The following GPC5 variants were observed in gnomAD, a reference collection of about 807,000 sequenced individuals.
GPC5 encodes glypican-5.
Under a neutral mutation model 53.9 loss-of-function variants are expected in GPC5, and 47 were observed. That is an observed-to-expected ratio of 0.87 (90% CI 0.69 to 1.11). The LOEUF is 1.11. GPC5 is among the 50% of genes most tolerant of loss of function. GPC5 has a pLI of 0.00. For missense variants in GPC5, 748 were observed against 713.1 expected (o/e 1.05, Z -0.56); for synonymous variants, 286 against 263.3 (o/e 1.09, Z -0.84).
intron 7 of GPC5, among the ~76,000 whole-genome samples, chr13:92,197,190 C>T (rs2042262283): frequency 6.6e-6 from 1 of 152,036 alleles, no homozygotes; most frequent in South Asian, 2.1e-4. Context: ...AATTTCCCTT[C>T]TCTGAGGTTC....
chr13:91,602,861 C>T (rs533992576), intron 2 of GPC5, among the ~76,000 whole-genome samples: 1 of 152,174 alleles, frequency 6.6e-6, no homozygotes, highest in South Asian at 2.1e-4. Context: ...TTAGAATTGT[C>T]AAAAGGATAT....
At chr13:92,751,012 G>C (rs184146436) in intron 7 of GPC5, among the ~76,000 whole-genome samples, 23 of 152,006 alleles carry the variant, frequency 1.5e-4, no homozygotes, top group African/African-American at 5.5e-4. Flanking sequence ...TTTAAAATAG[G>C]CATGCTTGTA....
chr13:92,259,188 T>C (rs918820900), intron 7 of GPC5, among the ~76,000 whole-genome samples: 1 of 152,198 alleles, frequency 6.6e-6, no homozygotes, highest in Non-Finnish European at 1.5e-5. Context: ...GTAGGAACCA[T>C]TTACACTTGT....
At chr13:91,648,700 A>ACATG (rs201307096) in intron 2 of GPC5, among the ~76,000 whole-genome samples, 4,669 of 150,094 alleles carry the variant, frequency 0.031, 235 homozygotes, top group African/African-American at 0.11. Flanking sequence ...ACATACATAC[A>ACATG]CATGCATGCA....
intron 2 of GPC5, among the ~76,000 whole-genome samples, chr13:91,635,406 T>G (rs1028493494): frequency 3.3e-5 from 5 of 152,104 alleles, no homozygotes; most frequent in Non-Finnish European, 7.4e-5. Flanking sequence ...ATTTTTCAAA[T>G]TAATGTAAAT....
chr13:92,553,868 T>G (rs574670812), intron 7 of GPC5, among the ~76,000 whole-genome samples: 2 of 152,124 alleles, frequency 1.3e-5, no homozygotes, highest in African/African-American at 4.8e-5. Context: ...GTTTGCCCAA[T>G]GTATCTCATA....
chr13:92,503,399 G>T (rs1594256353), intron 7 of GPC5, among the ~76,000 whole-genome samples: 1 of 151,698 alleles, frequency 6.6e-6, no homozygotes, highest in African/African-American at 2.4e-5. Context: ...CTAAAGCAGT[G>T]CTTAGCCAGA....
At chr13:92,621,121 T>C (rs139281675) in intron 7 of GPC5, among the ~76,000 whole-genome samples, 1 of 152,292 alleles carries the variant, frequency 6.6e-6, no homozygotes, top group East Asian at 1.9e-4. Context: ...GGCTACTGCT[T>C]GGGCCCAGGG....
At chr13:92,385,687 A>G (rs1316741847) in intron 7 of GPC5, among the ~76,000 whole-genome samples, 1 of 142,528 alleles carries the variant, frequency 7.0e-6, no homozygotes, top group African/African-American at 2.6e-5. Flanking sequence ...ATACACACAT[A>G]TATACCTATA....
At chr13:91,934,915 A>G (rs1594673057) in intron 6 of GPC5, among the ~76,000 whole-genome samples, 1 of 152,136 alleles carries the variant, frequency 6.6e-6, no homozygotes, top group East Asian at 1.9e-4. Flanking sequence ...TCTACTATGG[A>G]AAATAATAGA....
At chr13:91,690,984 C>T (rs1472247293) in intron 2 of GPC5, among the ~76,000 whole-genome samples, 3 of 152,128 alleles carry the variant, frequency 2.0e-5, no homozygotes, top group Non-Finnish European at 4.4e-5. Flanking sequence ...TTATTTGTGA[C>T]CCACTTCGCG....
chr13:91,675,154 A>T (rs1311397454), intron 2 of GPC5, among the ~76,000 whole-genome samples: 1 of 141,904 alleles, frequency 7.0e-6, no homozygotes, highest in Non-Finnish European at 1.5e-5. Flanking sequence ...TAAAAAAAAA[A>T]CTCAGGGGAA....
intron 5 of GPC5, among the ~76,000 whole-genome samples, chr13:91,819,445 C>A (rs2038456278): frequency 1.3e-5 from 2 of 152,092 alleles, no homozygotes; most frequent in African/African-American, 4.8e-5. Context: ...AGGTGTGAGC[C>A]ACCACACCCG....
chr13:91,855,914 C>T (rs150754432), intron 5 of GPC5, among the ~76,000 whole-genome samples: 1 of 151,484 alleles, frequency 6.6e-6, no homozygotes, highest in East Asian at 1.9e-4. Context: ...TAGCCAAAAC[C>T]TAAATCAAGA....
chr13:92,243,768 A>T (rs2042630767), intron 7 of GPC5, among the ~76,000 whole-genome samples: 1 of 152,200 alleles, frequency 6.6e-6, no homozygotes, highest in Non-Finnish European at 1.5e-5. Context: ...TGTTAAAGAT[A>T]TAAATTGGGT....
chr13:92,677,240 C>A (rs1429189689), intron 7 of GPC5, among the ~76,000 whole-genome samples: 1 of 152,122 alleles, frequency 6.6e-6, no homozygotes, highest in South Asian at 2.1e-4. Flanking sequence ...CAAGACCCAA[C>A]ATATTTTTAC....
chr13:92,512,262 G>A (rs1320162504), intron 7 of GPC5, among the ~76,000 whole-genome samples: 5 of 151,972 alleles, frequency 3.3e-5, no homozygotes, highest in African/African-American at 4.8e-5. Flanking sequence ...GCGCGCGCGC[G>A]CGTACGCTGT....
At chr13:91,958,149 C>T (rs2040091512) in intron 6 of GPC5, among the ~76,000 whole-genome samples, 1 of 150,976 alleles carries the variant, frequency 6.6e-6, no homozygotes, top group African/African-American at 2.4e-5. Flanking sequence ...CATCTCACCC[C>T]TAAAGACACA....
chr13:92,080,735 A>C (rs2041288447), intron 6 of GPC5, among the ~76,000 whole-genome samples: 2 of 152,184 alleles, frequency 1.3e-5, no homozygotes, highest in Admixed American at 6.5e-5. Flanking sequence ...TCTTGCTAAA[A>C]ATTGTTGTTA....
Sources: allele counts gnomAD v4.1 joint callset (sites outside exome capture counted in the v4.1 genomes callset), GRCh38; gene constraint gnomAD v4.1.1; transcripts MANE v1.5; gene names NCBI Gene and HGNC (gene_info 2026-07-23, HGNC 2026-07-21).